Variants in CSMD1 observed in about 807,000 individuals in gnomAD.
CSMD1 encodes the protein CUB and sushi domain-containing protein 1.
In CSMD1, 213 loss-of-function variants were observed where a neutral mutation model predicts 417.5. That is an observed-to-expected ratio of 0.51 (90% CI 0.46 to 0.57). The LOEUF is 0.57. Among genes scored for constraint, CSMD1 ranks in the 20% least tolerant of loss-of-function variants. CSMD1 has a pLI of 0.00. For missense variants in CSMD1, 6,923 were observed against 4,529.7 expected (o/e 1.53, Z -15.17); for synonymous variants, 2,862 against 1,736.8 (o/e 1.65, Z -16.11).
intron 12 of CSMD1, among the ~76,000 whole-genome samples, chr8:3,424,774 C>T (rs902035408): frequency 2.0e-5 from 3 of 152,160 alleles, no homozygotes; most frequent in South Asian, 2.1e-4. Flanking sequence ...TCAAGGAACC[C>T]TTATTTGACT....
intron 3 of CSMD1, among the ~76,000 whole-genome samples, chr8:4,077,657 T>C (rs1799905201): frequency 6.6e-6 from 1 of 152,104 alleles, no homozygotes. Context: ...AAGGGAGGTA[T>C]ATTTGATCTT....
rs576108686 is a variant in CSMD1, at chr8:3,706,319, T to C, written c.1009+2095A>G. Among the ~76,000 whole-genome samples the C allele has an allele frequency of 7.9e-5, 12 of 152,376 alleles. 1 individual carries two copies. In the South Asian group the frequency reaches 8.3e-4, roughly 11 times the overall value. ...AATAAGGCATATACTTGCACAGCTA[T>C]TGAATGCTTGCCTGTCGCTTCAAAC... On this transcript the variant is annotated intron_variant, in intron 7 of 69. Coordinates refer to ENST00000635120, the MANE Select transcript of CSMD1 (RefSeq NM_033225.6).
intron 5 of CSMD1, among the ~76,000 whole-genome samples, chr8:3,943,313 A>T (rs1294452810): frequency 5.9e-5 from 9 of 151,832 alleles, no homozygotes; most frequent in Non-Finnish European, 1.2e-4. Flanking sequence ...ACAACTGCAG[A>T]ACTAGAAGAG....
intron 7 of CSMD1, among the ~76,000 whole-genome samples, chr8:3,645,856 A>C (rs1386880619): frequency 1.3e-5 from 2 of 152,234 alleles, no homozygotes; most frequent in African/African-American, 2.4e-5. Flanking sequence ...TGTTTAAATA[A>C]TGTTTTTATA....
intron 16 of CSMD1, among the ~76,000 whole-genome samples, chr8:3,398,925 G>C (rs1287156220): frequency 1.3e-5 from 2 of 152,144 alleles, no homozygotes; most frequent in Non-Finnish European, 2.9e-5. Flanking sequence ...GCGATTAGTT[G>C]GTGATTGATC....
chr8:4,533,904 GAATAT>G (rs2130475561), intron 2 of CSMD1, among the ~76,000 whole-genome samples: 1 of 148,468 alleles, frequency 6.7e-6, no homozygotes, highest in African/African-American at 2.5e-5. Context: ...TCAATAGCTA[GAATAT>G]AATATACATA....
intron 3 of CSMD1, among the ~76,000 whole-genome samples, chr8:4,306,288 C>G (rs1406590765): frequency 6.6e-6 from 1 of 152,146 alleles, no homozygotes; most frequent in South Asian, 2.1e-4. Flanking sequence ...CCTGAATAGA[C>G]ACTAAATAAT....
chr8:3,950,242 A>C (rs1368961630), intron 5 of CSMD1, among the ~76,000 whole-genome samples: 1 of 152,168 alleles, frequency 6.6e-6, no homozygotes, highest in Non-Finnish European at 1.5e-5. Flanking sequence ...AAGAATTATG[A>C]TGATGAATTA....
intron 29 of CSMD1, among the ~76,000 whole-genome samples, chr8:3,218,980 T>C (rs1342675345): frequency 3.3e-5 from 5 of 152,236 alleles, no homozygotes; most frequent in South Asian, 2.1e-4. Context: ...TTAAATGTCA[T>C]CAAATTCTTT....
Position 3,239,378 on chromosome 8 carries a change from AT to A in CSMD1, c.4154-9148del, listed in dbSNP as rs1799352381. On this transcript the variant is annotated intron_variant, in intron 26 of 69. Transcript: ENST00000635120. Reference sequence around the variant, plus strand: ...AATGACAAGGCTAAACTGAAGAATTATGTCTGACAGAAGGGAAGAAATGACT... The same window carrying A: ...AATGACAAGGCTAAACTGAAGAATTAGTCTGACAGAAGGGAAGAAATGACT... Among the ~76,000 whole-genome samples the A allele has an allele frequency of 3.1e-5, 3 of 98,146 alleles. No homozygotes were observed. The South Asian group carries it at 1.2e-3, about 40-fold the overall frequency. 64.4% of individuals were successfully genotyped at this position (98,146 alleles called of 152,430 possible).
intron 3 of CSMD1, among the ~76,000 whole-genome samples, chr8:4,304,928 C>G (rs10112948): frequency 0.11 from 16,866 of 152,018 alleles, 1,104 homozygotes; most frequent in Non-Finnish European, 0.15. Flanking sequence ...AGATGATGAA[C>G]AAGTACTCTT....
intron 25 of CSMD1, among the ~76,000 whole-genome samples, chr8:3,299,138 C>T (rs78477184): frequency 6.6e-6 from 1 of 152,036 alleles, no homozygotes; most frequent in Non-Finnish European, 1.5e-5. Context: ...CACAATTCCA[C>T]TAGGTAAAGG....
At chr8:3,537,146 G>A (rs1390046896) in intron 10 of CSMD1, among the ~76,000 whole-genome samples, 2 of 152,084 alleles carry the variant, frequency 1.3e-5, no homozygotes, top group African/African-American at 4.8e-5. Flanking sequence ...TGGGACTACA[G>A]GTGCCCGCCA....
intron 3 of CSMD1, among the ~76,000 whole-genome samples, chr8:4,076,670 G>A (rs1207781310): frequency 6.6e-6 from 1 of 152,110 alleles, no homozygotes. Context: ...TATGCATCGT[G>A]CTCCAAACAA....
chr8:3,437,400 G>A (rs978273292), intron 12 of CSMD1, among the ~76,000 whole-genome samples: 1 of 152,110 alleles, frequency 6.6e-6, no homozygotes, highest in African/African-American at 2.4e-5. Flanking sequence ...AATTCATACA[G>A]TTCTGACTTA....
intron 6 of CSMD1, among the ~76,000 whole-genome samples, chr8:3,725,084 C>A (rs1432143396): frequency 1.3e-5 from 2 of 152,154 alleles, no homozygotes; most frequent in Non-Finnish European, 2.9e-5. Flanking sequence ...TAAGGGCCCT[C>A]AGCATAGCGG....
At chr8:3,366,958 C>CA in intron 20 of CSMD1, 74 bp downstream of exon 20, 1 of 1,114,482 alleles carries the variant, frequency 9.0e-7, no homozygotes, top group Non-Finnish European at 1.3e-6. Context: ...ACACACACAC[C>CA]CACACACATT....
At chr8:4,542,325 T>A in intron 2 of CSMD1, among the ~76,000 whole-genome samples, 1 of 151,988 alleles carries the variant, frequency 6.6e-6, no homozygotes, top group South Asian at 2.1e-4. Context: ...TCGTTCTCCA[T>A]AACAGAAAAT....
Position 3,049,411 on chromosome 8 carries a change from T to C in CSMD1, c.7660+3051A>G, listed in dbSNP as rs188702503. ...AATATTGTTCAGTACTAAAAAGAAA[T>C]GAGAGCTAGAGCCATGCAAAATCAT... On this transcript the variant is annotated intron_variant, in intron 50 of 69. Coordinates refer to ENST00000635120, the MANE Select transcript of CSMD1 (RefSeq NM_033225.6). 3.9e-5 allele frequency among the ~76,000 whole-genome samples: 6 copies of C among 152,102 alleles called. No individual in the cohort carries two copies. The East Asian group carries it at 1.2e-3, about 29-fold the overall frequency.
Sources: gnomAD v4.1 joint callset for allele counts (sites outside exome capture counted in the v4.1 genomes callset) on GRCh38, gnomAD v4.1.1 for gene constraint, MANE v1.5 for transcripts, NCBI Gene and HGNC (gene_info 2026-07-23, HGNC 2026-07-21) for gene names.